PRKG1: variants seen among roughly 807,000 people sequenced by gnomAD.
The protein encoded by PRKG1 is cGMP-dependent protein kinase 1.
A neutral mutation model predicts 88.1 loss-of-function variants in PRKG1; 35 were observed. The observed-to-expected ratio is 0.40, with a 90% CI of 0.30 to 0.53. PRKG1 has a LOEUF of 0.53. Ranked by LOEUF, PRKG1 falls within the 20% of genes least tolerant of loss-of-function variation. PRKG1 has a pLI of 0.59. For synonymous variants in PRKG1, 303 were observed against 292.5 expected (o/e 1.04, Z -0.37); for missense variants, 540 against 839.8 (o/e 0.64, Z 4.41).
chr10:51,296,214 A>G (rs961282160), intron 2 of PRKG1, among the ~76,000 whole-genome samples: 3 of 151,918 alleles, frequency 2.0e-5, no homozygotes, highest in African/African-American at 7.3e-5. Flanking sequence ...GATTCCTCCT[A>G]TTTTATTTTT....
At chr10:51,458,134 A>T (rs1178534353) in intron 2 of PRKG1, among the ~76,000 whole-genome samples, 1 of 152,194 alleles carries the variant, frequency 6.6e-6, no homozygotes, top group Non-Finnish European at 1.5e-5. Flanking sequence ...TAACCTCATA[A>T]AATGGGAAAA....
At chr10:51,516,674 G>A (rs1186928471) in intron 3 of PRKG1, among the ~76,000 whole-genome samples, 1 of 152,184 alleles carries the variant, frequency 6.6e-6, no homozygotes, top group African/African-American at 2.4e-5. Context: ...ACTGGGTCTT[G>A]GGACTGAAAC....
At position 51,138,142 on chromosome 10, in the gene PRKG1, C is replaced by T. The variant is rs373858368; in HGVS notation, c.312-15022C>T. Among the ~76,000 whole-genome samples, 5 of 152,220 alleles carry T rather than the reference C, an allele frequency of 3.3e-5. No individual in the cohort carries two copies. The East Asian group carries it at 9.6e-4, about 29-fold the overall frequency. ...GGTCATTTTTAGTGGTTAAAATTATCTATGAACATAAGGAATAAATAATAA... is the reference window on the plus strand; with the variant it reads ...GGTCATTTTTAGTGGTTAAAATTATTTATGAACATAAGGAATAAATAATAA... On this transcript the variant is annotated intron_variant, in intron 1 of 17. Transcript: ENST00000373980.
chr10:51,091,640 T>C (rs1844400288), intron 1 of PRKG1, among the ~76,000 whole-genome samples: 1 of 152,140 alleles, frequency 6.6e-6, no homozygotes, highest in Admixed American at 6.6e-5. Flanking sequence ...TTTGTTGTTG[T>C]TTTTGGAGAA....
intron 10 of PRKG1, chr10:52,251,936 G>C (rs1841182438): frequency 3.7e-6 from 1 of 271,754 alleles, no homozygotes. Flanking sequence ...TTTACTTAAA[G>C]AAGAGTCATT....
At chr10:51,285,017 G>A (rs562960869) in intron 2 of PRKG1, among the ~76,000 whole-genome samples, 1 of 141,872 alleles carries the variant, frequency 7.0e-6, no homozygotes, top group South Asian at 2.5e-4. Flanking sequence ...CTAGCATTAG[G>A]TATATCTCCC....
At chr10:51,384,774 A>G (rs1301676573) in intron 2 of PRKG1, among the ~76,000 whole-genome samples, 2 of 152,112 alleles carry the variant, frequency 1.3e-5, no homozygotes, top group Non-Finnish European at 1.5e-5. Flanking sequence ...TTTGAGGGCA[A>G]TGGTCATAAC....
chr10:52,183,588 G>C (rs1839103449), intron 9 of PRKG1, among the ~76,000 whole-genome samples: 1 of 152,182 alleles, frequency 6.6e-6, no homozygotes, highest in Admixed American at 6.5e-5. Flanking sequence ...TTCACAGCTT[G>C]GGTTATGGCA....
chr10:51,220,221 G>T (rs1838491935), intron 2 of PRKG1, among the ~76,000 whole-genome samples: 3 of 152,258 alleles, frequency 2.0e-5, no homozygotes, highest in Middle Eastern at 6.8e-3. Context: ...CAGTCCTATA[G>T]CCACAAGGAA....
At chr10:51,119,129 T>C (rs1845202676) in intron 1 of PRKG1, among the ~76,000 whole-genome samples, 1 of 152,122 alleles carries the variant, frequency 6.6e-6, no homozygotes, top group South Asian at 2.1e-4. Context: ...GGCTTCCGAA[T>C]GTTCACTTGC....
At chr10:51,671,498 G>C (rs1405167242) in intron 3 of PRKG1, among the ~76,000 whole-genome samples, 1 of 151,878 alleles carries the variant, frequency 6.6e-6, no homozygotes, top group Non-Finnish European at 1.5e-5. Flanking sequence ...GCTTGTAGAT[G>C]CATCACTTCG....
intron 4 of PRKG1, among the ~76,000 whole-genome samples, chr10:51,852,211 G>GTATA (rs1286387019): frequency 5.2e-5 from 7 of 133,992 alleles, no homozygotes; most frequent in African/African-American, 2.1e-4. Context: ...AGTTTTATAT[G>GTATA]TGTATATATA....
intron 5 of PRKG1, among the ~76,000 whole-genome samples, chr10:51,929,401 A>G (rs1403096680): frequency 7.7e-6 from 1 of 129,994 alleles, no homozygotes; most frequent in Non-Finnish European, 1.5e-5. Flanking sequence ...CCCAGGCTGG[A>G]GTACAGTGGC....
At chr10:52,167,309 A>G (rs1838508298) in intron 9 of PRKG1, among the ~76,000 whole-genome samples, 1 of 152,068 alleles carries the variant, frequency 6.6e-6, no homozygotes, top group Non-Finnish European at 1.5e-5. Flanking sequence ...AGGAGAACTC[A>G]CTTATTATCA....
At position 52,293,918 on chromosome 10, in the gene PRKG1, C is replaced by T; in HGVS notation, c.*18C>T. On this transcript the variant is annotated 3_prime_UTR_variant, in exon 18 of 18. Coordinates refer to ENST00000373980, the MANE Select transcript of PRKG1 (RefSeq NM_006258.4). The stretch of plus-strand genomic sequence containing the variant: ...ACTTCTAATGTATTTCTCTTACCTG[C>T]TTCTGCCTTGCTGAAGACAGCTTTT... 6.3e-7 allele frequency: 1 copy of T among 1,589,424 alleles called. No homozygotes were observed. Among genetic ancestry groups the T allele is most frequent in the South Asian group, 1.1e-5 (1 of 89,326 alleles).
intron 1 of PRKG1, among the ~76,000 whole-genome samples, chr10:51,050,862 A>G (rs1843552057): frequency 1.3e-5 from 2 of 152,092 alleles, no homozygotes; most frequent in Non-Finnish European, 2.9e-5. Flanking sequence ...ATGTGAAGTG[A>G]CATCTCATTG....
At chr10:51,672,381 T>A (rs1016625400) in intron 3 of PRKG1, among the ~76,000 whole-genome samples, 1 of 152,106 alleles carries the variant, frequency 6.6e-6, no homozygotes, top group Non-Finnish European at 1.5e-5. Flanking sequence ...CTAATCTGCT[T>A]TTTAATTCAT....
chr10:52,287,536 A>G lies in PRKG1; in HGVS notation c.1710-1190A>G, dbSNP rs193124208. Among the ~76,000 whole-genome samples, 262 of 152,144 alleles carry G rather than the reference A, an allele frequency of 1.7e-3. 2 individuals carry two copies. Among genetic ancestry groups the G allele is most frequent in the Admixed American group, 3.0e-3 (45 of 15,236 alleles). ...CAGATTTCTTCCCCAAAGACACACA[A>G]AACCTGTATTAAAGAGAGTAATTAA... On this transcript the variant is annotated intron_variant, in intron 14 of 17. Coordinates refer to ENST00000373980, the MANE Select transcript of PRKG1 (RefSeq NM_006258.4).
chr10:51,833,381 C>T (rs1250863735), intron 4 of PRKG1, among the ~76,000 whole-genome samples: 1 of 152,096 alleles, frequency 6.6e-6, no homozygotes, highest in East Asian at 1.9e-4. Flanking sequence ...TCAGTGCTTG[C>T]CAAGCTTATT....
Sources: allele counts gnomAD v4.1 joint callset (sites outside exome capture counted in the v4.1 genomes callset), GRCh38; gene constraint gnomAD v4.1.1; transcripts MANE v1.5; gene names NCBI Gene and HGNC (gene_info 2026-07-23, HGNC 2026-07-21).